DDHD1: variants seen among roughly 807,000 people sequenced by gnomAD.
DDHD1 encodes DDHD domain containing 1, also known as phospholipase DDHD1.
A neutral mutation model predicts 96.4 loss-of-function variants in DDHD1; 49 were observed. That is an observed-to-expected ratio of 0.51 (90% confidence interval 0.40 to 0.64). The LOEUF (loss-of-function observed/expected upper bound fraction) is 0.64, where lower values mean the gene tolerates loss of function less well. Among genes scored for constraint, DDHD1 ranks in the 30% least tolerant of loss-of-function variants. The probability of loss-of-function intolerance (pLI) is 0.00; values close to 1 mark genes in which losing one functional copy is unlikely to be tolerated. For missense variants in DDHD1, 1,106 were observed against 1,161.2 expected, an observed-to-expected ratio of 0.95 and a Z score of 0.69; for synonymous variants, 442 against 446.5, an observed-to-expected ratio of 0.99 and a Z score of 0.13.
chr14:53,063,493 A>T (rs72688258), intron 6 of DDHD1, among the ~76,000 whole-genome samples: 1 of 152,026 alleles, frequency 6.6e-6, no homozygotes, highest in Non-Finnish European at 1.5e-5. Flanking sequence ...TAAAAAAAAA[A>T]AAAACCAAAG....
In DDHD1 at chr14:53,037,548, T is replaced by A. The variant is rs1881352048; in HGVS notation, c.*9220A>T. On this transcript the variant is annotated 3_prime_UTR_variant, in exon 13 of 13. Coordinates refer to ENST00000673822, the MANE Select transcript of DDHD1 (RefSeq NM_001160148.2). ...TGTTGATTGCTTGTATGTCTTCTTT[T>A]GAGAAGTGTCTGTTCATGTCCTTCA... The A allele has an allele frequency of 6.6e-6, 1 of 152,200 alleles. No homozygotes were observed. The highest frequency in any genetic ancestry group is 2.4e-5 in the African/African-American group (1 of 41,460). 9.4% of individuals were successfully genotyped at this position (152,200 alleles called of 1,614,324 possible). A position where few individuals can be genotyped will look rare whatever the true frequency, so the allele number is the denominator to read the frequency against.
At chr14:53,093,576 A>G (rs1311644472) in intron 2 of DDHD1, 132 bp from the exon 3 acceptor site, 3 of 1,148,782 alleles carry the variant, frequency 2.6e-6, no homozygotes, top group Non-Finnish European at 3.6e-6. Context: ...ATTCAATAAA[A>G]CACTATTTCA....
At chr14:53,082,690 C>T (rs1443454666) in intron 4 of DDHD1, among the ~76,000 whole-genome samples, 7 of 147,826 alleles carry the variant, frequency 4.7e-5, no homozygotes, top group African/African-American at 1.0e-4. Context: ...ACCCAGGAGG[C>T]GGAGGCTGCA....
chr14:53,066,353 T>C (rs1361885786), intron 6 of DDHD1, among the ~76,000 whole-genome samples: 1 of 151,988 alleles, frequency 6.6e-6, no homozygotes, highest in Non-Finnish European at 1.5e-5. Context: ...GGTTTCACCA[T>C]GTTGGTTGGG....
In DDHD1 at chr14:53,054,442, A is replaced by G; in HGVS notation, c.2433T>C (p.Ser811=). 6.2e-7 allele frequency: 1 copy of G among 1,613,468 alleles called. No individual in the cohort carries two copies. The highest frequency in any genetic ancestry group is 8.5e-7 in the Non-Finnish European group (1 of 1,179,480). Residue 811 remains serine (S), a synonymous_variant, in exon 11 of 13, where the codon TCT becomes TCC. Coordinates refer to ENST00000673822, the MANE Select transcript of DDHD1 (RefSeq NM_001160148.2). ...GGAAATAATGTATGAACTAACATGC[A>G]GAATCGAGGAAGCCAGAACTGCTAT... is the stretch of plus-strand genomic sequence containing the variant. ...LPHSSSGFLD[S]AYFRLQESFF...
At chr14:53,135,043 C>A (rs1200297485) in intron 1 of DDHD1, among the ~76,000 whole-genome samples, 6 of 152,090 alleles carry the variant, frequency 3.9e-5, no homozygotes, top group Non-Finnish European at 8.8e-5. Flanking sequence ...TCTCTCCATA[C>A]CACCCCCAAA....
At chr14:53,125,442 G>A (rs557121036) in intron 1 of DDHD1, among the ~76,000 whole-genome samples, 4 of 152,244 alleles carry the variant, frequency 2.6e-5, no homozygotes, top group African/African-American at 4.8e-5. Flanking sequence ...GTATACAACC[G>A]TAAAACAGTT....
At chr14:53,082,990 C>T (rs1322329600) in intron 4 of DDHD1, among the ~76,000 whole-genome samples, 1 of 152,040 alleles carries the variant, frequency 6.6e-6, no homozygotes. Context: ...ATCTAGAAGA[C>T]TCTAAATGGG....
chr14:53,127,326 A>C (rs1297211031), intron 1 of DDHD1, among the ~76,000 whole-genome samples: 1 of 152,238 alleles, frequency 6.6e-6, no homozygotes, highest in African/African-American at 2.4e-5. Context: ...GAACTGGGTT[A>C]AGGACTCAGG....
intron 1 of DDHD1, among the ~76,000 whole-genome samples, chr14:53,129,881 G>A (rs1889734062): frequency 6.6e-6 from 1 of 152,188 alleles, no homozygotes; most frequent in Admixed American, 6.5e-5. Context: ...ACAAGATCTA[G>A]ATAATTACTG....
intron 4 of DDHD1, among the ~76,000 whole-genome samples, chr14:53,086,537 A>C (rs1885969901): frequency 6.8e-6 from 1 of 146,118 alleles, no homozygotes; most frequent in Admixed American, 7.0e-5. Flanking sequence ...CCAGAATCTC[A>C]TATCCAGCCA....
chr14:53,061,034 TAA>T (rs1296752111), intron 8 of DDHD1, 90 bp downstream of exon 8: 59 of 1,135,904 alleles, frequency 5.2e-5, no homozygotes, highest in Non-Finnish European at 2.5e-6. Context: ...GAAAGAACAA[TAA>T]ACTTTCATTT....
rs1881728871 is a variant in DDHD1 at position 53,042,526 on chromosome 14, TC to T, written c.*4241del. ...GGTTGGATTAAATGATCTCTAAAAA[TC>T]TGTACAGACCCGGAAATTTTACAGT... On this transcript the variant is annotated 3_prime_UTR_variant, in exon 13 of 13. Transcript: ENST00000673822. 1 of 152,202 alleles carries T rather than the reference TC, an allele frequency of 6.6e-6. No individual in the cohort carries two copies. Among genetic ancestry groups the T allele is most frequent in the Non-Finnish European group, 1.5e-5 (1 of 68,038 alleles). 9.4% of individuals were successfully genotyped at this position (152,202 alleles called of 1,614,324 possible).
chr14:53,043,127 C>T lies in DDHD1; in HGVS notation c.*3641G>A, dbSNP rs1025701263. 2 of 152,148 alleles carry T rather than the reference C, an allele frequency of 1.3e-5. No homozygotes were observed. Among genetic ancestry groups the T allele is most frequent in the African/African-American group, 2.4e-5 (1 of 41,422 alleles). The allele number at this position is 152,148 out of a possible 1,614,324, so 9.4% of individuals were successfully genotyped here. ...TACTGACAATTTCTTTTCCTTTTGT[C>T]TACTGTCTAGGTGATGCAAAGCTGG... On this transcript the variant is annotated 3_prime_UTR_variant, in exon 13 of 13. Coordinates refer to ENST00000673822, the MANE Select transcript of DDHD1 (RefSeq NM_001160148.2).
Position 53,153,254 on chromosome 14 carries a change from A to C in DDHD1, c.-156T>G. 6 of 583,582 alleles carry C rather than the reference A, an allele frequency of 1.0e-5. No individual in the cohort carries two copies. Among genetic ancestry groups the C allele is most frequent in the Non-Finnish European group, 1.6e-5 (6 of 381,252 alleles). The allele number at this position is 583,582 out of a possible 1,614,324, so 36.2% of individuals were successfully genotyped here. ...CGGCAGCGGCGACCGCTCCGCCCCCACGAGACCCGCAGCCGCCGCAGCTGC... is the reference window on the plus strand; with the variant it reads ...CGGCAGCGGCGACCGCTCCGCCCCCCCGAGACCCGCAGCCGCCGCAGCTGC... On this transcript the variant is annotated 5_prime_UTR_variant, in exon 1 of 13. Coordinates refer to ENST00000673822, the MANE Select transcript of DDHD1 (RefSeq NM_001160148.2).
At chr14:53,050,228 T>G (rs2139818181) in intron 12 of DDHD1, among the ~76,000 whole-genome samples, 1 of 152,216 alleles carries the variant, frequency 6.6e-6, no homozygotes, top group East Asian at 1.9e-4. Context: ...AGAAACAGCA[T>G]GAGCAAAACT....
chr14:53,127,846 G>C (rs914225923), intron 1 of DDHD1, among the ~76,000 whole-genome samples: 8 of 152,190 alleles, frequency 5.3e-5, no homozygotes, highest in African/African-American at 1.4e-4. Flanking sequence ...TTTACATTGA[G>C]TTGTATAGTT....
intron 4 of DDHD1, among the ~76,000 whole-genome samples, chr14:53,077,974 T>C (rs1388097602): frequency 2.0e-5 from 3 of 152,216 alleles, no homozygotes; most frequent in South Asian, 2.1e-4. Flanking sequence ...TTGCTTTTCA[T>C]TGTTGAATAG....
At chr14:53,149,041 T>C (rs902542265) in intron 1 of DDHD1, among the ~76,000 whole-genome samples, 8 of 152,332 alleles carry the variant, frequency 5.3e-5, no homozygotes, top group Middle Eastern at 3.4e-3. Context: ...CAGGAGAATA[T>C]CTAAACATAC....
Sources: allele counts gnomAD v4.1 joint callset (sites outside exome capture counted in the v4.1 genomes callset), GRCh38; gene constraint gnomAD v4.1.1; transcripts MANE v1.5; gene names NCBI Gene and HGNC (gene_info 2026-07-23, HGNC 2026-07-21).